The following FLOT2 variants were observed in gnomAD, a reference collection of about 807,000 sequenced individuals.
The protein encoded by FLOT2 is flotillin 2.
Under a neutral mutation model 54.9 loss-of-function variants are expected in FLOT2, and 35 were observed. The ratio of observed to expected loss-of-function variants is 0.64; its 90% CI spans 0.49 to 0.84. The LOEUF (loss-of-function observed/expected upper bound fraction) is 0.84. Ranked by LOEUF, FLOT2 falls within the 40% of genes least tolerant of loss-of-function variation. FLOT2 has a pLI of 0.00. For synonymous variants in FLOT2, 207 were observed against 228.9 expected, an observed-to-expected ratio of 0.90 and a Z score of 0.86; for missense variants, 464 against 572.1, an observed-to-expected ratio of 0.81 and a Z score of 1.93.
chr17:28,879,661 C>T lies in FLOT2; in HGVS notation c.*900G>A, dbSNP rs1208064619. 2 of 985,952 alleles carry T rather than the reference C, an allele frequency of 2.0e-6. No homozygotes were observed. Among genetic ancestry groups the T allele is most frequent in the African/African-American group, 1.7e-5 (1 of 57,224 alleles). The allele number at this position is 985,952 out of a possible 1,614,324, so 61.1% of individuals were successfully genotyped here. A position where few individuals can be genotyped will look rare whatever the true frequency, so the allele number is the denominator to read the frequency against. On this transcript the variant is annotated 3_prime_UTR_variant, in exon 11 of 11. Transcript: ENST00000394908. ...CCAGGCTACAGCACTCGATTCTGTACAGGGTTGGCACAGCCTTGTCCACCA... is the reference window on the plus strand; with the variant it reads ...CCAGGCTACAGCACTCGATTCTGTATAGGGTTGGCACAGCCTTGTCCACCA...
At chr17:28,885,071 G>T (rs930089664) in intron 2 of FLOT2, among the ~76,000 whole-genome samples, 4 of 152,202 alleles carry the variant, frequency 2.6e-5, no homozygotes, top group African/African-American at 4.8e-5. Context: ...AGGGATCTGG[G>T]CTTTGCAGGT....
Position 28,882,960 on chromosome 17 carries a change from G to T in FLOT2, c.346+148C>A. ...CACTCATACCCTCTCCTTAACTCAA[G>T]TCACCTGAAGTTTTGAAATTAAATA... On this transcript the variant is annotated intron_variant, in intron 4 of 10. Transcript: ENST00000394908. The surrounding 1 kb of genome is among the most constrained non-coding windows in gnomAD (Gnocchi z 5.6). 1 of 844,066 alleles carries T rather than the reference G, an allele frequency of 1.2e-6. No homozygotes were observed. The highest frequency in any genetic ancestry group is 1.8e-6 in the Non-Finnish European group (1 of 551,740). The allele number at this position is 844,066 out of a possible 1,614,324, so 52.3% of individuals were successfully genotyped here.
At chr17:28,894,518 G>T (rs1479253356) in intron 1 of FLOT2, among the ~76,000 whole-genome samples, 1 of 152,044 alleles carries the variant, frequency 6.6e-6, no homozygotes, top group African/African-American at 2.4e-5. Flanking sequence ...CAGCTACTTG[G>T]GAGGCTGAGA....
At chr17:28,881,484 TG>T in intron 8 of FLOT2, 109 bp from the exon 9 acceptor site, 1 of 1,155,432 alleles carries the variant, frequency 8.7e-7, no homozygotes, top group Non-Finnish European at 1.2e-6. Flanking sequence ...GCTGTCGGGG[TG>T]GGAGACATTG....
intron 2 of FLOT2, 140 bp downstream of exon 2, chr17:28,888,805 A>ACCCCCCCCCCCCCCC: frequency 2.5e-6 from 1 of 393,056 alleles, no homozygotes; most frequent in East Asian, 7.1e-5. Context: ...GTCCCCCCCA[A>ACCCCCCCCCCCCCCC]CCCCACCCCT....
chr17:28,881,730 G>T, intron 8 of FLOT2, 84 bp downstream of exon 8: 1 of 1,256,444 alleles, frequency 8.0e-7, no homozygotes. Flanking sequence ...TGGCTTCCAA[G>T]CTGTGGTCAG....
intron 1 of FLOT2, among the ~76,000 whole-genome samples, chr17:28,889,869 A>C (rs2039615417): frequency 6.6e-6 from 1 of 151,376 alleles, no homozygotes; most frequent in South Asian, 2.1e-4. Context: ...CGAACTCTTG[A>C]CCTTGTGATC....
chr17:28,894,908 ATTAT>A (rs141126226), intron 1 of FLOT2, among the ~76,000 whole-genome samples: 77,044 of 149,830 alleles, frequency 0.51, 22,531 homozygotes, highest in South Asian at 0.74. Context: ...ATATTTGTTT[ATTAT>A]TTATTTATTT....
At chr17:28,890,474 C>A (rs530227628) in intron 1 of FLOT2, among the ~76,000 whole-genome samples, 24 of 151,852 alleles carry the variant, frequency 1.6e-4, no homozygotes, top group Non-Finnish European at 3.1e-4. Context: ...GCAAGCTCCA[C>A]CTCCCGGGTT....
Position 28,882,070 on chromosome 17 carries a change from A to G in FLOT2, c.700-42T>C. 6 of 1,613,990 alleles carry G rather than the reference A, an allele frequency of 3.7e-6. No homozygotes were observed. In the African/African-American group the frequency reaches 4.0e-5, roughly 11 times the overall value. ...TGTGGCACATTAGAGGCTGGTCACC[A>G]AGTCCTGATCCCTGAGCCCCATCCC... On this transcript the variant is annotated intron_variant, in intron 7 of 10. Coordinates refer to ENST00000394908, the MANE Select transcript of FLOT2 (RefSeq NM_004475.3). The surrounding 1 kb of genome is among the most constrained non-coding windows in gnomAD (Gnocchi z 5.6).
rs922630601 is a variant in FLOT2, at chr17:28,884,161, C to T, written c.222+64G>A. Reference sequence around the variant, plus strand: ...CTGGCTGCTGTCCTCTCCTCCTCCCCCCGAACCCGAGTACGGGACCAGGCA... The same window carrying T: ...CTGGCTGCTGTCCTCTCCTCCTCCCTCCGAACCCGAGTACGGGACCAGGCA... On this transcript the variant is annotated intron_variant, in intron 3 of 10. Coordinates refer to ENST00000394908, the MANE Select transcript of FLOT2 (RefSeq NM_004475.3). The surrounding 1 kb of genome is among the most constrained non-coding windows in gnomAD (Gnocchi z 5.1). 68 of 1,252,382 alleles carry T rather than the reference C, an allele frequency of 5.4e-5. No individual in the cohort carries two copies. The highest frequency in any genetic ancestry group is 7.0e-5 in the Non-Finnish European group (60 of 852,816). The allele number at this position is 1,252,382 out of a possible 1,614,324, so 77.6% of individuals were successfully genotyped here.
At chr17:28,894,936 G>C (rs1266225113) in intron 1 of FLOT2, among the ~76,000 whole-genome samples, 2 of 151,030 alleles carry the variant, frequency 1.3e-5, no homozygotes, top group African/African-American at 2.4e-5. Flanking sequence ...TATTGAAACA[G>C]GGTCTCACTC....
intron 2 of FLOT2, chr17:28,886,066 G>GGGT: frequency 5.1e-6 from 3 of 588,920 alleles, no homozygotes; most frequent in Non-Finnish European, 9.5e-6. Flanking sequence ...GGCGGGGGGG[G>GGGT]GCATGCTGTC....
intron 10 of FLOT2, 54 bp downstream of exon 10, chr17:28,880,659 G>A (rs1289600018): frequency 6.2e-7 from 1 of 1,613,728 alleles, no homozygotes; most frequent in African/African-American, 1.3e-5. Context: ...ACTTTGCCTG[G>A]GCCAGTCCGA....
In FLOT2 at chr17:28,897,667, C is replaced by A; in HGVS notation, c.-93G>T. On this transcript the variant is annotated 5_prime_UTR_variant, in exon 1 of 11. Transcript: ENST00000394908. The surrounding 1 kb of genome is among the most constrained non-coding windows in gnomAD (Gnocchi z 4.4). ...CGGCCGCGCCCAGCCTATCCCGCCA[C>A]CCCCAGCGGCCGGCCGCCCGCTCGC... is the stretch of plus-strand genomic sequence containing the variant. The A allele has an allele frequency of 8.8e-7, 1 of 1,140,766 alleles. No homozygotes were observed. Among genetic ancestry groups the A allele is most frequent in the East Asian group, 3.3e-5 (1 of 30,330 alleles). 70.7% of individuals were successfully genotyped at this position (1,140,766 alleles called of 1,614,324 possible).
intron 1 of FLOT2, among the ~76,000 whole-genome samples, chr17:28,890,339 T>C (rs1350577507): frequency 6.6e-6 from 1 of 152,074 alleles, no homozygotes; most frequent in Non-Finnish European, 1.5e-5. Context: ...GCTGTAGACA[T>C]GTTCTATATG....
rs1281433831 is a variant in FLOT2 at position 28,893,416 on chromosome 17, T to C, written c.49+4110A>G. On this transcript the variant is annotated intron_variant, in intron 1 of 10. Transcript: ENST00000394908. Reference sequence around the variant, plus strand: ...TCCTGGCCTTCCTCCACCTTCTTTTTTTTTTTTTTTTTTTGAGACAGTATT... The same window carrying C: ...TCCTGGCCTTCCTCCACCTTCTTTTCTTTTTTTTTTTTTTGAGACAGTATT... 108 of 148,800 alleles carry C rather than the reference T, an allele frequency of 7.3e-4. 1 individual carries two copies. The highest frequency in any genetic ancestry group is 1.3e-3 in the African/African-American group (53 of 40,462). 9.2% of individuals were successfully genotyped at this position (148,800 alleles called of 1,614,324 possible). A position where few individuals can be genotyped will look rare whatever the true frequency, so the allele number is the denominator to read the frequency against.
intron 1 of FLOT2, among the ~76,000 whole-genome samples, chr17:28,890,862 C>CT (rs869029497): frequency 0.34 from 25,328 of 74,864 alleles, 3,131 homozygotes; most frequent in African/African-American, 0.44. Flanking sequence ...ATCATTTCTT[C>CT]TTTTTTTTTT....
intron 1 of FLOT2, among the ~76,000 whole-genome samples, chr17:28,894,273 G>A (rs971071356): frequency 9.2e-5 from 14 of 152,060 alleles, no homozygotes; most frequent in Non-Finnish European, 2.1e-4. Flanking sequence ...GATTGCTTGA[G>A]CCCAGGAGTT....
Sources: gnomAD v4.1 joint callset for allele counts (sites outside exome capture counted in the v4.1 genomes callset) on GRCh38, gnomAD v4.1.1 for gene constraint, Gnocchi (gnomAD v3.1) non-coding constraint, MANE v1.5 for transcripts, NCBI Gene and HGNC (gene_info 2026-07-23, HGNC 2026-07-21) for gene names.